Variants in MRPL1 observed in about 807,000 individuals in gnomAD.
MRPL1 encodes the protein mitochondrial ribosomal protein L1.
In MRPL1, 28 loss-of-function variants were observed where a neutral mutation model predicts 38.0. That is an observed-to-expected ratio of 0.74 (90% confidence interval 0.55 to 1.01). The LOEUF is 1.01. MRPL1 is among the 50% of genes least tolerant of loss of function. The pLI is 0.00. For missense variants in MRPL1, 358 were observed against 389.8 expected, an observed-to-expected ratio of 0.92 and a Z score of 0.69; for synonymous variants, 123 against 126.7, an observed-to-expected ratio of 0.97 and a Z score of 0.20.
intron 5 of MRPL1, among the ~76,000 whole-genome samples, chr4:77,891,096 A>G (rs1015874516): frequency 1.3e-5 from 2 of 152,132 alleles, no homozygotes; most frequent in African/African-American, 4.8e-5. Context: ...GTATGCTTTA[A>G]TACAGGTTCT....
chr4:77,951,600 C>G (rs1393288353), intron 8 of MRPL1, among the ~76,000 whole-genome samples: 1 of 152,154 alleles, frequency 6.6e-6, no homozygotes, highest in Admixed American at 6.5e-5. Context: ...ACAGCAGGTC[C>G]TTGAATAACA....
At chr4:77,876,039 C>T (rs1735381091) in intron 2 of MRPL1, among the ~76,000 whole-genome samples, 1 of 152,160 alleles carries the variant, frequency 6.6e-6, no homozygotes, top group African/African-American at 2.4e-5. Context: ...GTGGCATGAT[C>T]TCAGCTCATT....
chr4:77,871,267 A>G (rs1472663060), intron 1 of MRPL1, among the ~76,000 whole-genome samples: 1 of 151,422 alleles, frequency 6.6e-6, no homozygotes, highest in Non-Finnish European at 1.5e-5. Context: ...AGATGTATTT[A>G]CCTGCTTTTA....
chr4:77,879,298 T>C (rs1016686566), intron 2 of MRPL1, among the ~76,000 whole-genome samples: 1 of 152,222 alleles, frequency 6.6e-6, no homozygotes, highest in South Asian at 2.1e-4. Context: ...CAGTTCTTTT[T>C]TTAAGAATGC....
chr4:77,909,461 A>T (rs569109343), intron 7 of MRPL1, 89 bp downstream of exon 7: 187 of 826,662 alleles, frequency 2.3e-4, no homozygotes, highest in Non-Finnish European at 2.9e-4. Flanking sequence ...AATGCCAGTC[A>T]TTTGAACTTG....
At chr4:77,884,459 G>C (rs1735627125) in intron 3 of MRPL1, among the ~76,000 whole-genome samples, 1 of 152,154 alleles carries the variant, frequency 6.6e-6, no homozygotes, top group African/African-American at 2.4e-5. Context: ...AGAGATCTAG[G>C]CCTCAGGCCT....
rs59185212 is a variant in MRPL1 at position 77,874,782 on chromosome 4, C to CT, written c.143+2943dup. 2.8e-3 allele frequency among the ~76,000 whole-genome samples: 362 copies of CT among 131,070 alleles called. 1 individual carries two copies. The highest frequency in any genetic ancestry group is 3.9e-3 in the East Asian group (18 of 4,658). 86.0% of individuals were successfully genotyped at this position (131,070 alleles called of 152,430 possible). A position where few individuals can be genotyped will look rare whatever the true frequency, so the allele number is the denominator to read the frequency against. Reference sequence around the variant, plus strand: ...TTAAGAGCCACTTATATTTTCTTTTCTTTTTTTTTTTTTTTTGAGGTGAAG... The same window carrying CT: ...TTAAGAGCCACTTATATTTTCTTTTCTTTTTTTTTTTTTTTTTGAGGTGAAG... On this transcript the variant is annotated intron_variant, in intron 2 of 8. Coordinates refer to ENST00000315567, the MANE Select transcript of MRPL1 (RefSeq NM_020236.4).
At chr4:77,876,607 G>C (rs1048625142) in intron 2 of MRPL1, among the ~76,000 whole-genome samples, 11 of 152,102 alleles carry the variant, frequency 7.2e-5, no homozygotes, top group African/African-American at 2.4e-4. Context: ...GAGAATCATA[G>C]TATTCATAAT....
intron 7 of MRPL1, among the ~76,000 whole-genome samples, chr4:77,934,198 T>C (rs528114229): frequency 3.7e-4 from 57 of 152,332 alleles, no homozygotes; most frequent in Admixed American, 2.5e-3. Flanking sequence ...AGAAGATAAA[T>C]TGGACTTCAT....
chr4:77,863,050 G>A lies in MRPL1; in HGVS notation c.31+171G>A, dbSNP rs78511763. 18 of 759,798 alleles carry A rather than the reference G, an allele frequency of 2.4e-5. No individual in the cohort carries two copies. The African/African-American group carries it at 3.2e-4, about 13-fold the overall frequency. 47.1% of individuals were successfully genotyped at this position (759,798 alleles called of 1,614,324 possible). A position where few individuals can be genotyped will look rare whatever the true frequency, so the allele number is the denominator to read the frequency against. ...CTACTTAAAAGTGACCTTATGAAGG[G>A]TTTCACTCCATTCTGGAGACGTCCA... is the stretch of plus-strand genomic sequence containing the variant. On this transcript the variant is annotated intron_variant, in intron 1 of 8. Coordinates refer to ENST00000315567, the MANE Select transcript of MRPL1 (RefSeq NM_020236.4).
intron 6 of MRPL1, among the ~76,000 whole-genome samples, chr4:77,905,320 A>T (rs1263729978): frequency 6.6e-6 from 1 of 151,950 alleles, no homozygotes; most frequent in African/African-American, 2.4e-5. Flanking sequence ...AACCTGGTGA[A>T]ACCCTGTTTC....
chr4:77,898,392 T>TTGAA (rs35144776), intron 6 of MRPL1, among the ~76,000 whole-genome samples: 11,092 of 150,926 alleles, frequency 0.073, 622 homozygotes, highest in African/African-American at 0.16. Context: ...CTACAAATAT[T>TTGAA]TGAATGAATG....
intron 7 of MRPL1, among the ~76,000 whole-genome samples, chr4:77,921,760 C>T (rs900003016): frequency 1.2e-4 from 18 of 150,384 alleles, no homozygotes; most frequent in Non-Finnish European, 2.4e-4. Flanking sequence ...ATAGAAAAGC[C>T]TTTCGTGCAG....
intron 5 of MRPL1, among the ~76,000 whole-genome samples, chr4:77,893,090 A>C (rs528653652): frequency 1.3e-5 from 2 of 152,280 alleles, no homozygotes; most frequent in African/African-American, 4.8e-5. Flanking sequence ...TTCACCGTGT[A>C]CCCCTAAATC....
At chr4:77,872,755 C>T (rs565495215) in intron 2 of MRPL1, among the ~76,000 whole-genome samples, 1 of 152,226 alleles carries the variant, frequency 6.6e-6, no homozygotes, top group Non-Finnish European at 1.5e-5. Context: ...CCCAGCCACT[C>T]GGGAGGCTGA....
chr4:77,918,568 G>A (rs915527807), intron 7 of MRPL1, among the ~76,000 whole-genome samples: 1 of 152,094 alleles, frequency 6.6e-6, no homozygotes, highest in Admixed American at 6.5e-5. Context: ...CCATCCCATG[G>A]TCCATAGCTT....
chr4:77,876,596 T>TGA (rs1301317207), intron 2 of MRPL1, among the ~76,000 whole-genome samples: 1 of 152,228 alleles, frequency 6.6e-6, no homozygotes, highest in Non-Finnish European at 1.5e-5. Context: ...AGTAGTTTGA[T>TGA]GAGAATCATA....
chr4:77,892,842 T>A (rs968267709), intron 5 of MRPL1, among the ~76,000 whole-genome samples: 2 of 152,184 alleles, frequency 1.3e-5, no homozygotes, highest in African/African-American at 4.8e-5. Context: ...CAGTTTTTTT[T>A]ATCTGGAATG....
chr4:77,938,197 T>C (rs1737033746), intron 7 of MRPL1, among the ~76,000 whole-genome samples: 1 of 152,230 alleles, frequency 6.6e-6, no homozygotes, highest in South Asian at 2.1e-4. Flanking sequence ...TGATTTCTTT[T>C]ACACCAGAAC....
Sources: gnomAD v4.1 joint callset for allele counts (sites outside exome capture counted in the v4.1 genomes callset) on GRCh38, gnomAD v4.1.1 for gene constraint, MANE v1.5 for transcripts, NCBI Gene and HGNC (gene_info 2026-07-23, HGNC 2026-07-21) for gene names.